MSI2: variants seen among roughly 807,000 people sequenced by gnomAD.
MSI2 encodes the protein RNA-binding protein Musashi homolog 2.
MSI2 carries 17 observed loss-of-function variants against 45.6 expected under a neutral mutation model. That is an observed-to-expected ratio of 0.37 (90% CI 0.26 to 0.56). MSI2 has a LOEUF of 0.56. MSI2 is among the 20% of genes least tolerant of loss of function. The pLI, the probability that MSI2 is intolerant of heterozygous loss-of-function variation, is 0.77. For synonymous variants in MSI2, 156 were observed against 158.2 expected, an observed-to-expected ratio of 0.99 and a Z score of 0.11; for missense variants, 293 against 444.2, an observed-to-expected ratio of 0.66 and a Z score of 3.06.
chr17:57,347,969 C>T (rs192642200), intron 5 of MSI2, among the ~76,000 whole-genome samples: 19 of 152,356 alleles, frequency 1.2e-4, no homozygotes, highest in East Asian at 9.6e-4. Context: ...TCTCTGCCTG[C>T]GGGAGCTCAC....
At chr17:57,296,139 A>T (rs1910935402) in intron 5 of MSI2, among the ~76,000 whole-genome samples, 1 of 151,236 alleles carries the variant, frequency 6.6e-6, no homozygotes, top group Non-Finnish European at 1.5e-5. Context: ...TTTATGCAAG[A>T]TTTCATCGTT....
At chr17:57,396,822 C>T (rs1598213358) in intron 5 of MSI2, among the ~76,000 whole-genome samples, 1 of 152,184 alleles carries the variant, frequency 6.6e-6, no homozygotes, top group African/African-American at 2.4e-5. Context: ...CACATGCACA[C>T]GGACACCTCC....
intron 6 of MSI2, among the ~76,000 whole-genome samples, chr17:57,498,311 C>T (rs1398693181): frequency 6.6e-6 from 1 of 152,244 alleles, no homozygotes; most frequent in African/African-American, 2.4e-5. Flanking sequence ...TTAAAAAATA[C>T]AGCTGACGCT....
intron 6 of MSI2, among the ~76,000 whole-genome samples, chr17:57,455,537 A>T (rs2085097341): frequency 6.6e-6 from 1 of 152,164 alleles, no homozygotes; most frequent in South Asian, 2.1e-4. Flanking sequence ...ACAGCCGTTA[A>T]AAAGAGATCG....
chr17:57,257,024 A>G, intron 1 of MSI2, 74 bp from the exon 2 acceptor site: 3 of 1,393,488 alleles, frequency 2.2e-6, no homozygotes, highest in Middle Eastern at 2.1e-4. Flanking sequence ...CTTTCCTTTT[A>G]GCTTTTGTAA....
At chr17:57,401,056 C>G (rs1227466597) in intron 5 of MSI2, among the ~76,000 whole-genome samples, 2 of 152,188 alleles carry the variant, frequency 1.3e-5, no homozygotes, top group Non-Finnish European at 2.9e-5. Flanking sequence ...GTTCACGTCT[C>G]TTAGCTTTAA....
chr17:57,367,275 T>C lies in MSI2; in HGVS notation c.313-34104T>C, dbSNP rs1917262692. ...GATGCGTGGGTGTGTTTTTCTGAAT[T>C]GTGATTAAAATGTTTTTTTTTCCTT... On this transcript the variant is annotated intron_variant, in intron 5 of 13. Transcript: ENST00000284073. 2.6e-5 allele frequency among the ~76,000 whole-genome samples: 4 copies of C among 152,278 alleles called. No individual in the cohort carries two copies. The South Asian group carries it at 8.3e-4, about 32-fold the overall frequency.
At chr17:57,485,377 C>T (rs1325310157) in intron 6 of MSI2, among the ~76,000 whole-genome samples, 1 of 152,180 alleles carries the variant, frequency 6.6e-6, no homozygotes. Flanking sequence ...ACGTATGAAG[C>T]TTTCTTGGGT....
intron 6 of MSI2, among the ~76,000 whole-genome samples, chr17:57,427,236 A>C (rs1273410970): frequency 6.6e-6 from 1 of 150,814 alleles, no homozygotes; most frequent in East Asian, 1.9e-4. Context: ...GTCTCTAATA[A>C]AAATACAAAA....
At chr17:57,444,585 G>GAAA in intron 6 of MSI2, 1 of 137,116 alleles carries the variant, frequency 7.3e-6, no homozygotes, top group Non-Finnish European at 1.6e-5. Flanking sequence ...CGTCTCAAAA[G>GAAA]AAAAAAAAAA....
At chr17:57,687,006 C>CG (rs551462091), downstream of MSI2, among the ~76,000 whole-genome samples, 1 of 45,138 alleles carries the variant, frequency 2.2e-5, no homozygotes, top group African/African-American at 6.8e-5. Context: ...TGGCCAGCAG[C>CG]CCCCCCCCCA....
At chr17:57,576,129 T>C (rs141465306) in intron 7 of MSI2, among the ~76,000 whole-genome samples, 186 of 152,302 alleles carry the variant, frequency 1.2e-3, no homozygotes, top group African/African-American at 4.2e-3. Flanking sequence ...TTTAAAGCCA[T>C]TGATTCCTGT....
downstream of MSI2, among the ~76,000 whole-genome samples, chr17:57,689,049 T>C (rs900043251): frequency 1.3e-5 from 2 of 152,212 alleles, no homozygotes; most frequent in Non-Finnish European, 2.9e-5. Context: ...TTTTTAATTT[T>C]TCAAAAGAAG....
chr17:57,615,312 G>A (rs1192316656), intron 8 of MSI2, among the ~76,000 whole-genome samples: 1 of 151,610 alleles, frequency 6.6e-6, no homozygotes, highest in East Asian at 1.9e-4. Context: ...TATTTTTTTA[G>A]TACAGACGGG....
intron 6 of MSI2, among the ~76,000 whole-genome samples, chr17:57,417,775 G>A (rs9893412): frequency 0.15 from 22,273 of 152,130 alleles, 2,067 homozygotes; most frequent in East Asian, 0.27. Flanking sequence ...AGGTGCACCT[G>A]GGACAGAATG....
At chr17:57,458,088 CATAT>C (rs1009968760) in intron 6 of MSI2, among the ~76,000 whole-genome samples, 2 of 148,436 alleles carry the variant, frequency 1.3e-5, no homozygotes, top group African/African-American at 5.0e-5. Flanking sequence ...ATTAGCCTGA[CATAT>C]ATATACCTTT....
chr17:57,681,783 G>GAAA lies in MSI2; in HGVS notation c.*2266_*2267insAAA, dbSNP rs1913613564. 5.5e-6 allele frequency: 1 copy of GAAA among 181,528 alleles called. No homozygotes were observed. Among genetic ancestry groups the GAAA allele is most frequent in the African/African-American group, 2.5e-5 (1 of 39,538 alleles). 11.2% of individuals were successfully genotyped at this position (181,528 alleles called of 1,614,324 possible). ...GAGCGCTTTTAAAATATCAAAACTT[G>GAAA]TTCAAGTCATAAAACAACAAAACAT... On this transcript the variant is annotated 3_prime_UTR_variant, in exon 14 of 14. Transcript: ENST00000284073.
At chr17:57,435,269 G>T (rs2084671207) in intron 6 of MSI2, among the ~76,000 whole-genome samples, 1 of 152,114 alleles carries the variant, frequency 6.6e-6, no homozygotes, top group Non-Finnish European at 1.5e-5. Context: ...TCCCGAGAGG[G>T]AGCAGGCAGT....
intron 6 of MSI2, among the ~76,000 whole-genome samples, chr17:57,457,799 C>G (rs1161464653): frequency 6.6e-6 from 1 of 152,130 alleles, no homozygotes; most frequent in Non-Finnish European, 1.5e-5. Flanking sequence ...GTCTTAGCTA[C>G]TCAGGTGGCT....
Sources: gnomAD v4.1 joint callset for allele counts (sites outside exome capture counted in the v4.1 genomes callset) on GRCh38, gnomAD v4.1.1 for gene constraint, MANE v1.5 for transcripts, NCBI Gene and HGNC (gene_info 2026-07-23, HGNC 2026-07-21) for gene names.